The following CCDC77 variants were observed in gnomAD, a reference collection of about 807,000 sequenced individuals.
CCDC77 encodes coiled-coil domain-containing protein 77.
In CCDC77, 56 loss-of-function variants were observed where a neutral mutation model predicts 66.8. The ratio of observed to expected loss-of-function variants is 0.84; its 90% confidence interval spans 0.68 to 1.05. The LOEUF (loss-of-function observed/expected upper bound fraction) is 1.05. Among genes scored for constraint, CCDC77 ranks in the 50% least tolerant of loss-of-function variants. The pLI is 0.00. For synonymous variants in CCDC77, 196 were observed against 195.2 expected (o/e 1.00, Z -0.03); for missense variants, 570 against 576.8 (o/e 0.99, Z 0.12).
upstream of CCDC77, among the ~76,000 whole-genome samples, chr12:400,165 C>T (rs188210850): frequency 3.9e-5 from 6 of 152,354 alleles, no homozygotes; most frequent in East Asian, 9.6e-4. Context: ...TTTTCTTCTG[C>T]AGCTTCCTCA....
intron 9 of CCDC77, among the ~76,000 whole-genome samples, chr12:437,036 C>T (rs1406969502): frequency 1.3e-5 from 2 of 152,180 alleles, no homozygotes; most frequent in African/African-American, 4.8e-5. Flanking sequence ...GTGTGCTTGG[C>T]ACTCTGCTGT....
chr12:429,468 T>TA (rs1945605531), intron 6 of CCDC77, among the ~76,000 whole-genome samples: 2 of 152,028 alleles, frequency 1.3e-5, no homozygotes, highest in African/African-American at 4.8e-5. Context: ...AGCTACTTTT[T>TA]TTTTTTTTTT....
intron 5 of CCDC77, among the ~76,000 whole-genome samples, chr12:420,149 T>C (rs368098269): frequency 0.016 from 68 of 4,338 alleles, 1 homozygote; most frequent in Non-Finnish European, 0.017. Flanking sequence ...ACCCTCCATG[T>C]TCCATTACAG....
Position 392,181 on chromosome 12 carries a change from A to T in CCDC77, c.-113+2695A>T, listed in dbSNP as rs573513561. ...GACAGTAACTTTTCAGAAAAAAAAA[A>T]ATTAGAGTATTATTTATCTGAAATT... On this transcript the variant is annotated intron_variant, in intron 1 of 11. Coordinates refer to the CCDC77 transcript ENST00000422000. Among the ~76,000 whole-genome samples, 882 of 152,294 alleles carry T rather than the reference A, an allele frequency of 5.8e-3. 14 individuals are homozygous for T. Among genetic ancestry groups the T allele is most frequent in the African/African-American group, 0.02 (823 of 41,556 alleles).
At chr12:408,406 A>AT (rs200904584) in intron 2 of CCDC77, among the ~76,000 whole-genome samples, 1 of 152,032 alleles carries the variant, frequency 6.6e-6, no homozygotes, top group African/African-American at 2.4e-5. Context: ...TTTATAAGTA[A>AT]TTTTTTTTCT....
Position 411,691 on chromosome 12 carries a change from A to C in CCDC77, c.39-56A>C, listed in dbSNP as rs979843928. 23 of 1,391,462 alleles carry C rather than the reference A, an allele frequency of 1.7e-5. No individual in the cohort carries two copies. In the Admixed American group the frequency reaches 1.7e-4, roughly 10 times the overall value. The allele number at this position is 1,391,462 out of a possible 1,614,324, so 86.2% of individuals were successfully genotyped here. A position where few individuals can be genotyped will look rare whatever the true frequency, so the allele number is the denominator to read the frequency against. On this transcript the variant is annotated intron_variant, in intron 3 of 12. Transcript: ENST00000239830. ...AAAACCCCCTTTTATTTAGGAAGTT[A>C]TAACTCATAAACTTTCGCAGAGTGT...
Position 418,527 on chromosome 12 carries a change from G to A in CCDC77, c.304G>A (p.Glu102Lys), listed in dbSNP as rs1264183827. 1.9e-6 allele frequency: 3 copies of A among 1,614,048 alleles called. No individual in the cohort carries two copies. Among genetic ancestry groups the A allele is most frequent in the Non-Finnish European group, 2.5e-6 (3 of 1,179,936 alleles). ...KLECDLQQRE[E>K]EIAELQKALS... ...TGAATGTGATTTGCAGCAGAGGGAG[G>A]AAGAGATTGCTGAATTGCAGAAAGC... The change falls in exon 5 of 13, where the codon GAA (glutamate) becomes AAA (lysine). Residue 102 changes from glutamate to lysine, a missense_variant. Glu to Lys is a moderately conservative substitution (Grantham distance 56). Coordinates refer to ENST00000239830, the MANE Select transcript of CCDC77 (RefSeq NM_032358.4).
upstream of CCDC77, among the ~76,000 whole-genome samples, chr12:397,926 G>A (rs139462207): frequency 1.0e-3 from 154 of 152,248 alleles, no homozygotes; most frequent in African/African-American, 3.5e-3. Flanking sequence ...GATTACAGGC[G>A]TGAGCCACCG....
intron 7 of CCDC77, 79 bp from the exon 8 acceptor site, chr12:431,787 C>T (rs945486386): frequency 3.3e-5 from 29 of 874,392 alleles, no homozygotes; most frequent in Non-Finnish European, 4.5e-5. Context: ...AACTCCTCTG[C>T]GTGGGAAATA....
chr12:430,242 C>G (rs1003359437), intron 6 of CCDC77, among the ~76,000 whole-genome samples: 3 of 152,170 alleles, frequency 2.0e-5, no homozygotes, highest in African/African-American at 7.2e-5. Flanking sequence ...ATCCGCCCAC[C>G]TTGGCCTCCC....
chr12:422,697 G>C (rs919018336), intron 5 of CCDC77, among the ~76,000 whole-genome samples: 2 of 152,162 alleles, frequency 1.3e-5, no homozygotes, highest in Non-Finnish European at 2.9e-5. Flanking sequence ...TGTAACCTCC[G>C]CCTTCCAAAC....
chr12:427,208 G>A (rs1339524398), intron 5 of CCDC77, among the ~76,000 whole-genome samples: 1 of 151,634 alleles, frequency 6.6e-6, no homozygotes, highest in Non-Finnish European at 1.5e-5. Context: ...TCATGCCATT[G>A]CACTCCAGCC....
chr12:429,709 T>G (rs1010042807), intron 6 of CCDC77, among the ~76,000 whole-genome samples: 1 of 152,114 alleles, frequency 6.6e-6, no homozygotes, highest in Non-Finnish European at 1.5e-5. Flanking sequence ...TCCGCCCACC[T>G]TGGCCTGTCA....
chr12:416,911 C>T (rs147715325), intron 4 of CCDC77, among the ~76,000 whole-genome samples: 2,767 of 150,252 alleles, frequency 0.018, 91 homozygotes, highest in African/African-American at 0.062. Context: ...AGTTCGAGGC[C>T]GGCGGATCAC....
At chr12:427,885 T>C (rs935003237) in intron 5 of CCDC77, among the ~76,000 whole-genome samples, 2 of 152,152 alleles carry the variant, frequency 1.3e-5, no homozygotes, top group East Asian at 1.9e-4. Flanking sequence ...AGGAATTTTA[T>C]TGGGAAGTGA....
At chr12:433,553 T>G (rs1369238052) in intron 9 of CCDC77, 6 of 1,092,908 alleles carry the variant, frequency 5.5e-6, no homozygotes, top group Non-Finnish European at 7.0e-6. Context: ...TTTTGGTGTT[T>G]TAGCTTGCTT....
intron 5 of CCDC77, 94 bp from the exon 6 acceptor site, chr12:428,675 T>TTA: frequency 3.0e-6 from 2 of 666,310 alleles, no homozygotes; most frequent in Non-Finnish European, 4.7e-6. Context: ...ACAATTGTTT[T>TTA]AAAAAAAAAA....
intron 5 of CCDC77, among the ~76,000 whole-genome samples, chr12:425,712 G>C (rs1455217745): frequency 1.3e-5 from 2 of 152,114 alleles, no homozygotes; most frequent in Non-Finnish European, 2.9e-5. Context: ...TGCTTCGTAA[G>C]GTTCATCTGC....
intron 4 of CCDC77, among the ~76,000 whole-genome samples, chr12:413,475 G>A (rs900363518): frequency 5.3e-5 from 8 of 151,870 alleles, no homozygotes; most frequent in Admixed American, 1.3e-4. Context: ...GCCTGACCTC[G>A]TGATCCACCC....
Sources: gnomAD v4.1 joint callset for allele counts (sites outside exome capture counted in the v4.1 genomes callset) on GRCh38, gnomAD v4.1.1 for gene constraint, MANE v1.5 for transcripts, NCBI Gene and HGNC (gene_info 2026-07-23, HGNC 2026-07-21) for gene names.